NTM: variants seen among roughly 807,000 people sequenced by gnomAD.
NTM encodes the protein neurotrimin, also known as IgLON family member 2.
Under a neutral mutation model 42.1 loss-of-function variants are expected in NTM, and 13 were observed. The ratio of observed to expected loss-of-function variants is 0.31; its 90% CI spans 0.20 to 0.49. The LOEUF is 0.49. Among genes scored for constraint, NTM ranks in the 20% least tolerant of loss-of-function variants. The probability of loss-of-function intolerance (pLI) is 0.99; values close to 1 mark genes in which losing one functional copy is unlikely to be tolerated. For synonymous variants in NTM, 187 were observed against 179.2 expected, an observed-to-expected ratio of 1.04 and a Z score of -0.35; for missense variants, 373 against 452.8, an observed-to-expected ratio of 0.82 and a Z score of 1.60.
Position 132,069,227 on chromosome 11 carries a change from G to A in NTM, c.168-77055G>A, listed in dbSNP as rs552742184. ...CTGACCATCACAGGTTAGTTAACAC[G>A]TCACTCAGCCAAGTTAACACGTCAC... is the stretch of plus-strand genomic sequence containing the variant. On this transcript the variant is annotated intron_variant, in intron 2 of 8. Transcript: ENST00000683400. Among the ~76,000 whole-genome samples, 134 of 149,798 alleles carry A rather than the reference G, an allele frequency of 8.9e-4. 1 individual carries two copies. The highest frequency in any genetic ancestry group is 2.5e-3 in the Admixed American group (38 of 15,098).
chr11:131,550,042 GATGAGAATCGCATGAGAATCATGGC>G (rs2054459410), intron 1 of NTM, among the ~76,000 whole-genome samples: 1 of 152,180 alleles, frequency 6.6e-6, no homozygotes, highest in Non-Finnish European at 1.5e-5. Context: ...GAGGCTCTGG[GATGAGAATCGCATGAGAATCATGGC>G]ATGAGAATCA....
At chr11:132,044,552 T>G (rs1477872533) in intron 2 of NTM, among the ~76,000 whole-genome samples, 1 of 152,188 alleles carries the variant, frequency 6.6e-6, no homozygotes, top group East Asian at 1.9e-4. Context: ...ATATATTTTC[T>G]TATTTCCATG....
intron 7 of NTM, among the ~76,000 whole-genome samples, chr11:132,328,646 G>A (rs1370635949): frequency 6.6e-6 from 1 of 152,068 alleles, no homozygotes; most frequent in Non-Finnish European, 1.5e-5. Flanking sequence ...GTCTGGATGA[G>A]CCCCCCAAAA....
rs565812437 is a variant in NTM at position 131,604,343 on chromosome 11, T to C, written c.82+233455T>C. On this transcript the variant is annotated intron_variant, in intron 1 of 8. Coordinates refer to ENST00000683400, the MANE Select transcript of NTM (RefSeq NM_001352005.2). Reference sequence around the variant, plus strand: ...ATTTGTATAACTTTGGAGGTAGGACTATTCAGATCCTGTGACCATTTTTTA... The same window carrying C: ...ATTTGTATAACTTTGGAGGTAGGACCATTCAGATCCTGTGACCATTTTTTA... Among the ~76,000 whole-genome samples, 7 of 152,316 alleles carry C rather than the reference T, an allele frequency of 4.6e-5. No individual in the cohort carries two copies. In the South Asian group the frequency reaches 1.2e-3, roughly 27 times the overall value.
chr11:131,829,297 T>A (rs1294821702), intron 1 of NTM, among the ~76,000 whole-genome samples: 1 of 152,154 alleles, frequency 6.6e-6, no homozygotes, highest in South Asian at 2.1e-4. Context: ...ACTCAGGTAT[T>A]GAGAATAGTA....
chr11:132,323,491 C>G (rs1290311326), intron 7 of NTM, among the ~76,000 whole-genome samples: 1 of 151,442 alleles, frequency 6.6e-6, no homozygotes, highest in African/African-American at 2.4e-5. Context: ...AGTTGAATCT[C>G]TGAATAGACC....
At chr11:131,924,274 G>GACCT (rs2138307369) in intron 2 of NTM, among the ~76,000 whole-genome samples, 1 of 152,296 alleles carries the variant, frequency 6.6e-6, no homozygotes, top group African/African-American at 2.4e-5. Flanking sequence ...GGGCCAAGGT[G>GACCT]ACCTGGCTTT....
intron 1 of NTM, among the ~76,000 whole-genome samples, chr11:131,807,079 A>G (rs1044622151): frequency 6.6e-6 from 1 of 152,202 alleles, no homozygotes; most frequent in South Asian, 2.1e-4. Context: ...AGTCAAGCTA[A>G]GAAGAGAAGG....
chr11:132,168,649 C>T (rs1407239582), intron 3 of NTM, among the ~76,000 whole-genome samples: 2 of 152,180 alleles, frequency 1.3e-5, no homozygotes, highest in East Asian at 1.9e-4. Context: ...TTTTCTGTTG[C>T]ATTATTAAAC....
intron 3 of NTM, among the ~76,000 whole-genome samples, chr11:132,164,052 C>T (rs1412541717): frequency 6.6e-6 from 1 of 152,204 alleles, no homozygotes; most frequent in East Asian, 1.9e-4. Context: ...TAACCCAGAT[C>T]TCCCATCTCT....
intron 2 of NTM, among the ~76,000 whole-genome samples, chr11:132,022,166 G>A (rs2074442176): frequency 6.6e-6 from 1 of 152,146 alleles, no homozygotes; most frequent in South Asian, 2.1e-4. Flanking sequence ...ACTGAGCTGG[G>A]GCTGGAGTCA....
chr11:131,723,297 G>T (rs1431575172), intron 1 of NTM, among the ~76,000 whole-genome samples: 3 of 152,216 alleles, frequency 2.0e-5, no homozygotes, highest in Admixed American at 6.5e-5. Flanking sequence ...GCCCGCTATT[G>T]TTCCTGATGA....
intron 1 of NTM, among the ~76,000 whole-genome samples, chr11:131,618,669 A>G (rs1362178728): frequency 1.3e-5 from 2 of 152,238 alleles, no homozygotes; most frequent in Admixed American, 6.5e-5. Flanking sequence ...AATTGAGCTT[A>G]AATGCTAGTT....
intron 1 of NTM, among the ~76,000 whole-genome samples, chr11:131,650,557 G>T (rs2066351411): frequency 6.6e-6 from 1 of 152,160 alleles, no homozygotes; most frequent in Non-Finnish European, 1.5e-5. Context: ...TAACAAGACT[G>T]CTGAGAAGAT....
chr11:131,869,077 C>A (rs927011978), intron 1 of NTM, among the ~76,000 whole-genome samples: 1 of 148,846 alleles, frequency 6.7e-6, no homozygotes, highest in Non-Finnish European at 1.5e-5. Flanking sequence ...ACAGCATGAC[C>A]ACGTGCAATC....
At chr11:132,078,246 G>A (rs1234863185) in intron 2 of NTM, among the ~76,000 whole-genome samples, 1 of 152,224 alleles carries the variant, frequency 6.6e-6, no homozygotes, top group African/African-American at 2.4e-5. Flanking sequence ...AATGAGGACT[G>A]CTTGGCCTGG....
intron 3 of NTM, among the ~76,000 whole-genome samples, chr11:132,177,058 C>T (rs928209736): frequency 6.6e-6 from 1 of 152,096 alleles, no homozygotes; most frequent in African/African-American, 2.4e-5. Context: ...TTTATTGTTA[C>T]TTTGTTACTC....
chr11:132,188,155 G>A (rs1801029054), intron 3 of NTM, among the ~76,000 whole-genome samples: 1 of 152,142 alleles, frequency 6.6e-6, no homozygotes. Flanking sequence ...GATGCTACTG[G>A]CATCTAGTGG....
At chr11:131,605,928 T>C in intron 1 of NTM, 1 of 960,238 alleles carries the variant, frequency 1.0e-6, no homozygotes, top group Non-Finnish European at 1.2e-6. Context: ...TCTTTTATGT[T>C]ACTTATTTAA....
Sources: allele counts gnomAD v4.1 joint callset (sites outside exome capture counted in the v4.1 genomes callset), GRCh38; gene constraint gnomAD v4.1.1; transcripts MANE v1.5; gene names NCBI Gene and HGNC (gene_info 2026-07-23, HGNC 2026-07-21).